Variants in TDRD1 observed in about 807,000 individuals in gnomAD.
TDRD1 encodes tudor domain containing 1.
TDRD1 carries 37 observed loss-of-function variants against 140.6 expected under a neutral mutation model. That is an observed-to-expected ratio of 0.26 (90% CI 0.20 to 0.35). The LOEUF is 0.35. Ranked by LOEUF, TDRD1 falls within the 10% of genes least tolerant of loss-of-function variation. The pLI is 1.00. For missense variants in TDRD1, 1,243 were observed against 1,393.0 expected (o/e 0.89, Z 1.71); for synonymous variants, 506 against 475.7 (o/e 1.06, Z -0.83).
At chr10:114,213,754 TG>T (rs2035637001) in intron 15 of TDRD1, among the ~76,000 whole-genome samples, 166 bp downstream of exon 15, 1 of 152,220 alleles carries the variant, frequency 6.6e-6, no homozygotes, top group Non-Finnish European at 1.5e-5. Context: ...TAAAATTTTA[TG>T]GGGAGTTTTA....
intron 3 of TDRD1, among the ~76,000 whole-genome samples, chr10:114,197,034 A>G (rs2034412015): frequency 6.6e-6 from 1 of 151,222 alleles, no homozygotes. Flanking sequence ...TTTAGTAGAG[A>G]TGGGGTTTCG....
At chr10:114,221,177 C>T (rs754475512) in intron 19 of TDRD1, among the ~76,000 whole-genome samples, 180 bp from the exon 20 acceptor site, 2 of 152,120 alleles carry the variant, frequency 1.3e-5, no homozygotes, top group East Asian at 3.9e-4. Context: ...TTTCGTACTG[C>T]CCACAAAATC....
chr10:114,217,888 T>C (rs2035911250), intron 17 of TDRD1, among the ~76,000 whole-genome samples: 2 of 152,222 alleles, frequency 1.3e-5, no homozygotes, highest in Admixed American at 1.3e-4. Flanking sequence ...TTCCAGAATT[T>C]CTGTTAATAT....
At chr10:114,218,226 TA>T (rs2133127430) in intron 17 of TDRD1, among the ~76,000 whole-genome samples, 187 bp from the exon 18 acceptor site, 1 of 152,350 alleles carries the variant, frequency 6.6e-6, no homozygotes, top group South Asian at 2.1e-4. Context: ...GGAGATAGTC[TA>T]AAAATAGATT....
intron 1 of TDRD1, among the ~76,000 whole-genome samples, chr10:114,180,213 C>A (rs1208182802): frequency 1.3e-5 from 2 of 152,184 alleles, no homozygotes; most frequent in East Asian, 3.8e-4. Context: ...GAAATAATAG[C>A]TGCCCTTTAA....
At chr10:114,203,452 T>C (rs774931571) in exon 8 of TDRD1, 31 of 1,613,928 alleles carry the variant, frequency 1.9e-5, no homozygotes, top group Non-Finnish European at 2.5e-5. Flanking sequence ...TCAGAAGTTT[T>C]AGAATACATG....
chr10:114,182,970 C>A (rs184814735), intron 1 of TDRD1, among the ~76,000 whole-genome samples: 33 of 152,244 alleles, frequency 2.2e-4, no homozygotes, highest in African/African-American at 7.9e-4. Flanking sequence ...AGGTGTGAGC[C>A]ACCGCTCCCG....
At chr10:114,210,307 G>T (rs2035398621) in intron 11 of TDRD1, among the ~76,000 whole-genome samples, 1 of 152,224 alleles carries the variant, frequency 6.6e-6, no homozygotes, top group South Asian at 2.1e-4. Context: ...GGACTATAAA[G>T]AGTGTATTAT....
At chr10:114,210,353 G>A (rs1239483410) in intron 11 of TDRD1, among the ~76,000 whole-genome samples, 3 of 152,058 alleles carry the variant, frequency 2.0e-5, no homozygotes, top group Admixed American at 6.6e-5. Flanking sequence ...TGTCTAAGTC[G>A]CTGATTTTCT....
intron 10 of TDRD1, 69 bp downstream of exon 10, chr10:114,204,962 C>A: frequency 1.4e-6 from 2 of 1,390,834 alleles, no homozygotes; most frequent in East Asian, 2.7e-5. Flanking sequence ...TCAGAAGAAA[C>A]GGAAACATCA....
chr10:114,203,161 A>C, exon 7 of TDRD1: 1 of 1,611,734 alleles, frequency 6.2e-7, no homozygotes, highest in Non-Finnish European at 8.5e-7. Flanking sequence ...AACTCAAGAA[A>C]ACCATGGAAA....
At chr10:114,187,438 G>C (rs998421384) in intron 1 of TDRD1, among the ~76,000 whole-genome samples, 4 of 152,198 alleles carry the variant, frequency 2.6e-5, no homozygotes. Flanking sequence ...AGAAAGGTAG[G>C]TGACGACCTG....
At chr10:114,230,567 T>TA (rs1327497613) in intron 25 of TDRD1, among the ~76,000 whole-genome samples, 1 of 152,198 alleles carries the variant, frequency 6.6e-6, no homozygotes, top group African/African-American at 2.4e-5. Flanking sequence ...TCTTACGACT[T>TA]AAAACAGTTG....
intron 17 of TDRD1, 67 bp downstream of exon 17, chr10:114,217,722 G>C (rs2035900948): frequency 3.7e-6 from 3 of 813,672 alleles, no homozygotes; most frequent in Admixed American, 2.6e-5. Flanking sequence ...CTTATTTTTA[G>C]TGCACATTTT....
chr10:114,219,083 A>G (rs11593083), intron 18 of TDRD1, among the ~76,000 whole-genome samples: 24,746 of 152,164 alleles, frequency 0.16, 2,185 homozygotes, highest in Middle Eastern at 0.21. Flanking sequence ...CTGGCACTCA[A>G]AGTTCTACAT....
intron 4 of TDRD1, among the ~76,000 whole-genome samples, chr10:114,200,340 G>C (rs1216373374): frequency 6.6e-6 from 1 of 151,942 alleles, no homozygotes; most frequent in Non-Finnish European, 1.5e-5. Flanking sequence ...AGCATTTGAG[G>C]CCAGACTGGT....
chr10:114,212,104 C>T (rs965313789), intron 14 of TDRD1, 68 bp downstream of exon 14: 61 of 1,416,292 alleles, frequency 4.3e-5, no homozygotes, highest in South Asian at 1.1e-4. Flanking sequence ...AAAAGATACA[C>T]GAAATAGGGA....
intron 1 of TDRD1, among the ~76,000 whole-genome samples, chr10:114,184,813 ACT>A (rs1416208729): frequency 3.9e-5 from 6 of 151,958 alleles, no homozygotes; most frequent in Non-Finnish European, 7.4e-5. Flanking sequence ...AACTAAAGAA[ACT>A]CTTCACCTGT....
In TDRD1 at chr10:114,206,219, G is replaced by A. The variant is rs540991338; in HGVS notation, c.1298-25G>A. ...TTCTTTGTATAGTTTCTCAATGGAG[G>A]CATATTTTCTTAATCACTTTTTAGG... On this transcript the variant is annotated intron_variant, in intron 10 of 25. Coordinates refer to ENST00000251864, the Ensembl canonical transcript of TDRD1. 13 of 1,518,348 alleles carry A rather than the reference G, an allele frequency of 8.6e-6. No homozygotes were observed. In the East Asian group the frequency reaches 2.5e-4, roughly 29 times the overall value. 94.1% of individuals were successfully genotyped at this position (1,518,348 alleles called of 1,614,324 possible).
Sources: allele counts gnomAD v4.1 joint callset (sites outside exome capture counted in the v4.1 genomes callset), GRCh38; gene constraint gnomAD v4.1.1; transcripts MANE v1.5; gene names NCBI Gene and HGNC (gene_info 2026-07-23, HGNC 2026-07-21).